DLG2: variants seen among roughly 807,000 people sequenced by gnomAD.
DLG2 encodes disks large homolog 2.
A neutral mutation model predicts 132.5 loss-of-function variants in DLG2; 45 were observed. That is an observed-to-expected ratio of 0.34 (90% CI 0.27 to 0.44). DLG2 has a LOEUF of 0.44. Ranked by LOEUF, DLG2 falls within the 20% of genes least tolerant of loss-of-function variation. DLG2 has a pLI of 1.00. For synonymous variants in DLG2, 424 were observed against 419.6 expected, an observed-to-expected ratio of 1.01 and a Z score of -0.13; for missense variants, 1,045 against 1,196.9, an observed-to-expected ratio of 0.87 and a Z score of 1.87.
intron 6 of DLG2, among the ~76,000 whole-genome samples, chr11:84,839,061 T>C (rs1358813983): frequency 6.6e-6 from 1 of 152,110 alleles, no homozygotes; most frequent in Non-Finnish European, 1.5e-5. Flanking sequence ...TTGTCCCTGT[T>C]TGCAGATGAC....
chr11:85,054,456 G>C (rs2063247703), intron 6 of DLG2, among the ~76,000 whole-genome samples: 1 of 152,198 alleles, frequency 6.6e-6, no homozygotes, highest in East Asian at 1.9e-4. Context: ...GTGGAAAGCA[G>C]TGTGGAAATT....
intron 4 of DLG2, among the ~76,000 whole-genome samples, chr11:85,237,425 G>T (rs1196684807): frequency 6.6e-6 from 1 of 151,894 alleles, no homozygotes; most frequent in Non-Finnish European, 1.5e-5. Flanking sequence ...TTCATATAGG[G>T]TCTGTGAAAA....
intron 4 of DLG2, 77 bp from the exon 5 acceptor site, chr11:85,154,728 C>G (rs957719726): frequency 1.4e-6 from 1 of 710,968 alleles, no homozygotes; most frequent in Non-Finnish European, 2.3e-6. Flanking sequence ...TTTGAATATA[C>G]ACATTAAAAT....
chr11:83,958,365 T>C (rs2087484883), intron 14 of DLG2, among the ~76,000 whole-genome samples: 1 of 152,168 alleles, frequency 6.6e-6, no homozygotes, highest in Non-Finnish European at 1.5e-5. Context: ...ACAAGAAATC[T>C]TTATTGAGGC....
chr11:85,151,462 C>T (rs1157955278), intron 5 of DLG2, among the ~76,000 whole-genome samples: 1 of 151,736 alleles, frequency 6.6e-6, no homozygotes, highest in Non-Finnish European at 1.5e-5. Flanking sequence ...TGTGTCCTGA[C>T]ATTTTTCTAT....
At chr11:83,921,759 T>C (rs1030646903) in intron 15 of DLG2, among the ~76,000 whole-genome samples, 1 of 152,104 alleles carries the variant, frequency 6.6e-6, no homozygotes, top group African/African-American at 2.4e-5. Context: ...CTAAAGTAAA[T>C]ACAAAGATTG....
intron 6 of DLG2, among the ~76,000 whole-genome samples, chr11:85,107,696 T>C (rs1349226316): frequency 6.6e-6 from 1 of 151,874 alleles, no homozygotes; most frequent in African/African-American, 2.4e-5. Context: ...ATGAGGCATA[T>C]AATCAATTTA....
At chr11:85,067,836 G>T (rs1418202487) in intron 6 of DLG2, among the ~76,000 whole-genome samples, 1 of 152,034 alleles carries the variant, frequency 6.6e-6, no homozygotes, top group Non-Finnish European at 1.5e-5. Context: ...AAGCCTGGGA[G>T]AGACACAACA....
chr11:84,987,728 G>T (rs2056652328), intron 6 of DLG2, among the ~76,000 whole-genome samples: 1 of 152,180 alleles, frequency 6.6e-6, no homozygotes, highest in South Asian at 2.1e-4. Context: ...GTAAGAGAAT[G>T]AAACTGGATC....
At chr11:85,443,249 T>C (rs2091867933) in intron 3 of DLG2, among the ~76,000 whole-genome samples, 1 of 152,236 alleles carries the variant, frequency 6.6e-6, no homozygotes, top group African/African-American at 2.4e-5. Context: ...GTGAGTCCCT[T>C]GGGTGAAGAA....
At chr11:84,194,827 G>A (rs898192233) in intron 8 of DLG2, among the ~76,000 whole-genome samples, 2 of 152,310 alleles carry the variant, frequency 1.3e-5, no homozygotes, top group South Asian at 2.1e-4. Context: ...CTCAGCCCTT[G>A]GGCAGTTGAT....
intron 3 of DLG2, among the ~76,000 whole-genome samples, chr11:85,410,754 A>G (rs1471789803): frequency 1.3e-5 from 2 of 151,904 alleles, no homozygotes; most frequent in East Asian, 3.9e-4. Context: ...TGAGTACACT[A>G]TGGTATAGTA....
At chr11:83,698,740 A>C (rs2082336669) in intron 18 of DLG2, among the ~76,000 whole-genome samples, 1 of 152,208 alleles carries the variant, frequency 6.6e-6, no homozygotes, top group Non-Finnish European at 1.5e-5. Flanking sequence ...CTGAAAGCCT[A>C]TCCTAAATTA....
intron 3 of DLG2, among the ~76,000 whole-genome samples, chr11:85,321,945 G>C (rs2081098552): frequency 6.6e-6 from 1 of 151,806 alleles, no homozygotes; most frequent in African/African-American, 2.4e-5. Context: ...AGTTCCGAGA[G>C]AAAAAAGGGA....
chr11:83,886,750 C>T (rs1372250843), intron 15 of DLG2, among the ~76,000 whole-genome samples: 6 of 152,208 alleles, frequency 3.9e-5, no homozygotes, highest in Admixed American at 3.3e-4. Flanking sequence ...CAAACTGTCT[C>T]TCAGACCACA....
intron 4 of DLG2, among the ~76,000 whole-genome samples, chr11:85,180,177 C>A (rs2079593676): frequency 6.6e-6 from 1 of 151,780 alleles, no homozygotes; most frequent in South Asian, 2.1e-4. Context: ...TATACTAATA[C>A]CATCCAAAGT....
At chr11:85,208,871 C>A (rs562907998) in intron 4 of DLG2, among the ~76,000 whole-genome samples, 3 of 152,016 alleles carry the variant, frequency 2.0e-5, no homozygotes, top group Non-Finnish European at 2.9e-5. Context: ...AAGGGCTCTC[C>A]GGGGAGAGGT....
chr11:85,370,109 T>C (rs1179036124), intron 3 of DLG2, among the ~76,000 whole-genome samples: 1 of 152,174 alleles, frequency 6.6e-6, no homozygotes, highest in Non-Finnish European at 1.5e-5. Context: ...ATAAGGCCTA[T>C]GGAACTGACA....
chr11:83,626,699 T>C (rs2062591341), intron 19 of DLG2, among the ~76,000 whole-genome samples: 1 of 152,048 alleles, frequency 6.6e-6, no homozygotes, highest in Non-Finnish European at 1.5e-5. Context: ...CGAGGGGAAA[T>C]AGAAGAAATC....
Sources: allele counts gnomAD v4.1 joint callset (sites outside exome capture counted in the v4.1 genomes callset), GRCh38; gene constraint gnomAD v4.1.1; transcripts MANE v1.5; gene names NCBI Gene and HGNC (gene_info 2026-07-23, HGNC 2026-07-21).